RAB40B: variants seen among roughly 807,000 people sequenced by gnomAD.
RAB40B encodes the protein ras-related protein Rab-40B.
RAB40B carries 21 observed loss-of-function variants against 24.0 expected under a neutral mutation model. The observed-to-expected ratio is 0.88, with a 90% confidence interval of 0.62 to 1.26. The LOEUF (loss-of-function observed/expected upper bound fraction) is 1.26, where lower values mean the gene tolerates loss of function less well. Ranked by LOEUF, RAB40B falls within the 50% of genes most tolerant of loss-of-function variation. The pLI, the probability that RAB40B is intolerant of heterozygous loss-of-function variation, is 0.00. For synonymous variants in RAB40B, 167 were observed against 169.8 expected, an observed-to-expected ratio of 0.98 and a Z score of 0.13; for missense variants, 348 against 390.5, an observed-to-expected ratio of 0.89 and a Z score of 0.92.
chr17:82,657,644 CT>C lies in RAB40B; in HGVS notation c.*218del, dbSNP rs780865135. ...GAGTCGAGCAGAGTACTAATTTTCC[CT>C]TTACAAACACACATCGAAAACAAGA... On this transcript the variant is annotated 3_prime_UTR_variant, in exon 6 of 6. Coordinates refer to ENST00000571995, the MANE Select transcript of RAB40B (RefSeq NM_006822.3). 14 of 687,452 alleles carry C rather than the reference CT, an allele frequency of 2.0e-5. No homozygotes were observed. In the African/African-American group the frequency reaches 2.3e-4, roughly 11 times the overall value. 42.6% of individuals were successfully genotyped at this position (687,452 alleles called of 1,614,324 possible). A position where few individuals can be genotyped will look rare whatever the true frequency, so the allele number is the denominator to read the frequency against.
Position 82,661,170 on chromosome 17 carries a change from A to C in RAB40B, c.204-123T>G, listed in dbSNP as rs1043118904. Reference sequence around the variant, plus strand: ...GCCAGTCAGCAGCCACCACGCCGCCAGCGTGAGACCCCAACAAAACTTTCC... The same window carrying C: ...GCCAGTCAGCAGCCACCACGCCGCCCGCGTGAGACCCCAACAAAACTTTCC... On this transcript the variant is annotated intron_variant, in intron 2 of 5. Coordinates refer to ENST00000571995, the MANE Select transcript of RAB40B (RefSeq NM_006822.3). 2.0e-6 allele frequency: 3 copies of C among 1,486,554 alleles called. No individual in the cohort carries two copies. In the African/African-American group the frequency reaches 4.2e-5, roughly 21 times the overall value. 92.1% of individuals were successfully genotyped at this position (1,486,554 alleles called of 1,614,324 possible).
chr17:82,694,378 A>G (rs1373853057), intron 1 of RAB40B, among the ~76,000 whole-genome samples: 1 of 151,276 alleles, frequency 6.6e-6, no homozygotes, highest in Non-Finnish European at 1.5e-5. Context: ...AAATACAAAA[A>G]CAAATTGGCC....
intron 1 of RAB40B, among the ~76,000 whole-genome samples, chr17:82,689,351 A>AG (rs1484005953): frequency 4.6e-5 from 7 of 152,238 alleles, no homozygotes; most frequent in Admixed American, 4.6e-4. Flanking sequence ...CAGGGGACTC[A>AG]GGGGCGATGG....
intron 2 of RAB40B, 138 bp downstream of exon 2, chr17:82,664,358 G>T: frequency 1.3e-6 from 1 of 774,238 alleles, no homozygotes; most frequent in Non-Finnish European, 2.1e-6. Context: ...GGTGGTGGGA[G>T]GGTGTTCCCG....
At position 82,667,847 on chromosome 17, in the gene RAB40B, C is replaced by T. The variant is rs529291633; in HGVS notation, c.143-3291G>A. Among the ~76,000 whole-genome samples the T allele has an allele frequency of 2.0e-5, 3 of 152,174 alleles. No homozygotes were observed. Among genetic ancestry groups the T allele is most frequent in the Non-Finnish European group, 2.9e-5 (2 of 68,032 alleles). On this transcript the variant is annotated intron_variant, in intron 1 of 5. Transcript: ENST00000571995. This position sits in a 1 kb window ranked among gnomAD's most constrained non-coding sequence, Gnocchi z 4.3. Reference sequence around the variant, plus strand: ...AAGCAGTCCCCTGACCCACCCAGTACGAGGCTTTCCTGAGCTGGCCAAACG... The same window carrying T: ...AAGCAGTCCCCTGACCCACCCAGTATGAGGCTTTCCTGAGCTGGCCAAACG...
In RAB40B at chr17:82,664,717, G is replaced by A. The variant is rs530309107; in HGVS notation, c.143-161C>T. 7 of 668,110 alleles carry A rather than the reference G, an allele frequency of 1.0e-5. 1 individual carries two copies. In the South Asian group the frequency reaches 1.1e-4, roughly 11 times the overall value. 41.4% of individuals were successfully genotyped at this position (668,110 alleles called of 1,614,324 possible). On this transcript the variant is annotated intron_variant, in intron 1 of 5. Coordinates refer to ENST00000571995, the MANE Select transcript of RAB40B (RefSeq NM_006822.3). Reference sequence around the variant, plus strand: ...CCTGTGTCTGCCCAAGCTCACAGGGGCCCTGCCTGCGCCCTCCCGCACCCG... The same window carrying A: ...CCTGTGTCTGCCCAAGCTCACAGGGACCCTGCCTGCGCCCTCCCGCACCCG...
At position 82,692,573 on chromosome 17, in the gene RAB40B, G is replaced by A. The variant is rs2046569412; in HGVS notation, c.142+5882C>T. On this transcript the variant is annotated intron_variant, in intron 1 of 5. Coordinates refer to ENST00000571995, the MANE Select transcript of RAB40B (RefSeq NM_006822.3). The surrounding 1 kb of genome is among the most constrained non-coding windows in gnomAD (Gnocchi z 4.0). ...AGGCGGGCTCTCAGCTGGGACAACG[G>A]TGGCCGTGCGATGCGGGGTGGGGGT... Among the ~76,000 whole-genome samples the A allele has an allele frequency of 6.6e-6, 1 of 151,960 alleles. No individual in the cohort carries two copies. Among genetic ancestry groups the A allele is most frequent in the African/African-American group, 2.4e-5 (1 of 41,358 alleles).
rs927552664 is a variant in RAB40B at position 82,656,865 on chromosome 17, T to A, written c.*998A>T. On this transcript the variant is annotated 3_prime_UTR_variant, in exon 6 of 6. Coordinates refer to ENST00000571995, the MANE Select transcript of RAB40B (RefSeq NM_006822.3). ...CCCATCTCTACTAAAAATACAAAAATTAGCCGGGCGTGGTGGTGCACCTCT... is the reference window on the plus strand; with the variant it reads ...CCCATCTCTACTAAAAATACAAAAAATAGCCGGGCGTGGTGGTGCACCTCT... 1.3e-5 allele frequency: 2 copies of A among 152,046 alleles called. No individual in the cohort carries two copies. Among genetic ancestry groups the A allele is most frequent in the Non-Finnish European group, 2.9e-5 (2 of 68,068 alleles). The allele number at this position is 152,046 out of a possible 1,614,324, so 9.4% of individuals were successfully genotyped here. A position where few individuals can be genotyped will look rare whatever the true frequency, so the allele number is the denominator to read the frequency against.
chr17:82,670,178 C>CTTTTT (rs71168131), intron 1 of RAB40B, among the ~76,000 whole-genome samples: 7 of 81,272 alleles, frequency 8.6e-5, no homozygotes, highest in Admixed American at 1.6e-4. Context: ...GGCCAACAAT[C>CTTTTT]TTTTTTTTTT....
chr17:82,669,513 CATG>C (rs1331718860), intron 1 of RAB40B, among the ~76,000 whole-genome samples: 1 of 151,982 alleles, frequency 6.6e-6, no homozygotes, highest in African/African-American at 2.4e-5. Context: ...ATTGGCCAAT[CATG>C]GTGGTGCACA....
At chr17:82,686,387 T>C (rs2459709) in intron 1 of RAB40B, among the ~76,000 whole-genome samples, 84,854 of 152,128 alleles carry the variant, frequency 0.56, 24,454 homozygotes, top group East Asian at 0.7. Flanking sequence ...GATGGGATTA[T>C]AGGCATGAGC....
At chr17:82,677,420 A>C (rs1162941967) in intron 1 of RAB40B, among the ~76,000 whole-genome samples, 1 of 152,228 alleles carries the variant, frequency 6.6e-6, no homozygotes. Context: ...CCAACAGGGC[A>C]GAAAGCATTA....
chr17:82,684,117 AG>A (rs1213767334), intron 1 of RAB40B, among the ~76,000 whole-genome samples: 2 of 150,364 alleles, frequency 1.3e-5, no homozygotes, highest in Non-Finnish European at 3.0e-5. Context: ...GCTACTCGGG[AG>A]GCTGAGGCAG....
At chr17:82,659,781 AT>A (rs1364262883) in intron 3 of RAB40B, 124 bp from the exon 4 acceptor site, 4 of 736,870 alleles carry the variant, frequency 5.4e-6, no homozygotes, top group Non-Finnish European at 9.3e-6. Context: ...CATAATTTTG[AT>A]TTATCAACTG....
At chr17:82,670,497 A>T (rs1222997845) in intron 1 of RAB40B, among the ~76,000 whole-genome samples, 1 of 150,050 alleles carries the variant, frequency 6.7e-6, no homozygotes, top group Non-Finnish European at 1.5e-5. Flanking sequence ...GGGCCAAACA[A>T]CTTTAAAATG....
In RAB40B at chr17:82,675,530, C is replaced by T. The variant is rs1399806052; in HGVS notation, c.143-10974G>A. Among the ~76,000 whole-genome samples the T allele has an allele frequency of 1.3e-5, 2 of 152,124 alleles. No individual in the cohort carries two copies. The highest frequency in any genetic ancestry group is 4.8e-5 in the African/African-American group (2 of 41,422). On this transcript the variant is annotated intron_variant, in intron 1 of 5. Coordinates refer to ENST00000571995, the MANE Select transcript of RAB40B (RefSeq NM_006822.3). The surrounding 1 kb of genome is among the most constrained non-coding windows in gnomAD (Gnocchi z 4.5). ...GGTAGTACCTTAGCCAGTGGGGTTG[C>T]TATAATGAAAATACCATAAGCTAGG...
intron 3 of RAB40B, among the ~76,000 whole-genome samples, chr17:82,660,151 ACG>A (rs898625838): frequency 1.2e-3 from 188 of 151,906 alleles, no homozygotes; most frequent in Non-Finnish European, 1.8e-3. Context: ...TCATGCACAG[ACG>A]CACACAGTGC....
intron 1 of RAB40B, 29 bp from the exon 2 acceptor site, chr17:82,664,585 C>T: frequency 6.2e-7 from 1 of 1,607,578 alleles, no homozygotes; most frequent in Non-Finnish European, 8.5e-7. Flanking sequence ...CGGCTTAGGC[C>T]TGAGGCTGCA....
chr17:82,686,174 C>T (rs555181624), intron 1 of RAB40B, among the ~76,000 whole-genome samples: 20 of 147,676 alleles, frequency 1.4e-4, no homozygotes, highest in South Asian at 6.6e-4. Flanking sequence ...TGCAGTGGCA[C>T]GATCTCAGCT....
Sources: gnomAD v4.1 joint callset for allele counts (sites outside exome capture counted in the v4.1 genomes callset) on GRCh38, gnomAD v4.1.1 for gene constraint, Gnocchi (gnomAD v3.1) non-coding constraint, MANE v1.5 for transcripts, NCBI Gene and HGNC (gene_info 2026-07-23, HGNC 2026-07-21) for gene names.